USP34: variants seen among roughly 807,000 people sequenced by gnomAD.
USP34 encodes the protein ubiquitin specific peptidase 34.
USP34 carries 70 observed loss-of-function variants against 460.3 expected under a neutral mutation model. The ratio of observed to expected loss-of-function variants is 0.15; its 90% CI spans 0.13 to 0.19. USP34 has a LOEUF of 0.19. USP34 is among the 10% of genes least tolerant of loss of function. The pLI is 1.00. For missense variants in USP34, 3,985 were observed against 4,236.2 expected (o/e 0.94, Z 1.65); for synonymous variants, 1,647 against 1,405.3 (o/e 1.17, Z -3.85).
chr2:61,345,864 T>C (rs1242507613), intron 15 of USP34, among the ~76,000 whole-genome samples: 3 of 152,200 alleles, frequency 2.0e-5, no homozygotes, highest in Non-Finnish European at 4.4e-5. Context: ...CTCAAGCTCC[T>C]GGCCTCAAAC....
At chr2:61,310,212 CCAAAG>C (rs1690544184) in intron 27 of USP34, among the ~76,000 whole-genome samples, 1 of 152,068 alleles carries the variant, frequency 6.6e-6, no homozygotes, top group African/African-American at 2.4e-5. Context: ...TTCAACCTAA[CCAAAG>C]CAGATACATT....
chr2:61,446,669 G>GCCTGTAATCTCAGCT (rs1164640648), intron 1 of USP34, among the ~76,000 whole-genome samples: 1 of 151,776 alleles, frequency 6.6e-6, no homozygotes, highest in African/African-American at 2.4e-5. Flanking sequence ...AGTGGTATGT[G>GCCTGTAATCTCAGCT]CCTGTAATCT....
At chr2:61,370,605 C>T (rs762067720) in intron 8 of USP34, 26 bp from the exon 9 acceptor site, 1 of 1,593,606 alleles carries the variant, frequency 6.3e-7, no homozygotes, top group Admixed American at 1.8e-5. Context: ...GAAAATAGTA[C>T]ATTAAAAAAA....
chr2:61,351,411 T>C (rs1465631110), intron 10 of USP34, among the ~76,000 whole-genome samples: 3 of 152,094 alleles, frequency 2.0e-5, no homozygotes, highest in African/African-American at 7.2e-5. Context: ...ACATGTAAAT[T>C]CATGAGGGAC....
At chr2:61,462,462 T>C (rs1695630693) in intron 1 of USP34, among the ~76,000 whole-genome samples, 1 of 149,450 alleles carries the variant, frequency 6.7e-6, no homozygotes, top group African/African-American at 2.5e-5. Flanking sequence ...GGCAGGAGAA[T>C]TGCTTGAACC....
At chr2:61,370,116 G>A (rs1399835664) in intron 10 of USP34, among the ~76,000 whole-genome samples, 4 of 151,866 alleles carry the variant, frequency 2.6e-5, no homozygotes, top group African/African-American at 9.7e-5. Flanking sequence ...GTTTCATGAA[G>A]AAGCTCCAAC....
chr2:61,210,102 T>A (rs1572837852), intron 69 of USP34, among the ~76,000 whole-genome samples: 1 of 152,300 alleles, frequency 6.6e-6, no homozygotes, highest in East Asian at 1.9e-4. Flanking sequence ...TTCAGTACAT[T>A]AATAATGAAG....
At chr2:61,301,786 C>T (rs375364064) in intron 27 of USP34, among the ~76,000 whole-genome samples, 2 of 152,200 alleles carry the variant, frequency 1.3e-5, no homozygotes, top group African/African-American at 4.8e-5. Flanking sequence ...TACTTATTTT[C>T]TCACCTCTTT....
intron 20 of USP34, among the ~76,000 whole-genome samples, chr2:61,329,430 A>T (rs535795677): frequency 6.6e-6 from 1 of 152,346 alleles, no homozygotes; most frequent in Admixed American, 6.5e-5. Flanking sequence ...CTGACTTGGA[A>T]TAACAGTTAG....
chr2:61,405,610 C>T, intron 3 of USP34, 98 bp downstream of exon 3: 1 of 1,113,412 alleles, frequency 9.0e-7, no homozygotes. Context: ...TAATGATTTT[C>T]CGCCAGCAGA....
At chr2:61,298,060 A>C (rs1269221673) in intron 29 of USP34, among the ~76,000 whole-genome samples, 1 of 152,164 alleles carries the variant, frequency 6.6e-6, no homozygotes, top group East Asian at 1.9e-4. Context: ...TAGAAGGAAA[A>C]ATATCTTCAA....
chr2:61,339,231 A>G (rs1479183767), intron 18 of USP34, 120 bp downstream of exon 18: 2 of 985,430 alleles, frequency 2.0e-6, no homozygotes, highest in Admixed American at 3.2e-5. Flanking sequence ...TAATTACTAA[A>G]AAACAGATTA....
intron 20 of USP34, 56 bp from the exon 21 acceptor site, chr2:61,325,513 A>G (rs1691058537): frequency 3.4e-6 from 4 of 1,180,110 alleles, no homozygotes; most frequent in Non-Finnish European, 4.6e-6. Context: ...ATTACTTTTA[A>G]AAATTTAGTG....
intron 57 of USP34, 34 bp from the exon 58 acceptor site, chr2:61,232,566 T>C (rs1687937452): frequency 6.6e-7 from 1 of 1,506,228 alleles, no homozygotes; most frequent in African/African-American, 1.4e-5. Flanking sequence ...ACTTTAACAT[T>C]CAACAAATAT....
intron 2 of USP34, among the ~76,000 whole-genome samples, chr2:61,412,886 C>CAAAAAAAAAAAAAAAAA: frequency 1.4e-5 from 1 of 72,650 alleles, no homozygotes; most frequent in Non-Finnish European, 2.8e-5. Flanking sequence ...AATCCCATCT[C>CAAAAAAAAAAAAAAAAA]AAAAAAAAAA....
intron 1 of USP34, among the ~76,000 whole-genome samples, chr2:61,421,735 T>G (rs1463214585): frequency 6.6e-6 from 1 of 152,084 alleles, no homozygotes; most frequent in Non-Finnish European, 1.5e-5. Flanking sequence ...ACCAGTAAGT[T>G]TCCTGTACCA....
intron 6 of USP34, among the ~76,000 whole-genome samples, chr2:61,381,105 A>G (rs1692957264): frequency 6.6e-6 from 1 of 152,036 alleles, no homozygotes; most frequent in African/African-American, 2.4e-5. Flanking sequence ...GGAAAACCAG[A>G]GACCTTTGTT....
At chr2:61,236,693 AGT>A (rs1186591515) in intron 53 of USP34, among the ~76,000 whole-genome samples, 2 of 152,200 alleles carry the variant, frequency 1.3e-5, no homozygotes, top group Non-Finnish European at 2.9e-5. Flanking sequence ...ATGAAATATA[AGT>A]CATGTTACAT....
chr2:61,470,270 C>T (rs889213809), intron 1 of USP34, among the ~76,000 whole-genome samples: 2 of 152,186 alleles, frequency 1.3e-5, no homozygotes, highest in Admixed American at 6.5e-5. Flanking sequence ...ATTTGGACTG[C>T]GGAGGAAAGC....
Sources: allele counts gnomAD v4.1 joint callset (sites outside exome capture counted in the v4.1 genomes callset), GRCh38; gene constraint gnomAD v4.1.1; transcripts MANE v1.5; gene names NCBI Gene and HGNC (gene_info 2026-07-23, HGNC 2026-07-21).